LRRC9: variants seen among roughly 807,000 people sequenced by gnomAD.
LRRC9 encodes the protein leucine-rich repeat-containing protein 9.
LRRC9 carries 122 observed loss-of-function variants against 63.2 expected under a neutral mutation model. The observed-to-expected ratio is 1.93, with a 90% CI of 1.67 to 2.24. The LOEUF (loss-of-function observed/expected upper bound fraction) is 2.24. Among genes scored for constraint, LRRC9 ranks in the 30% most tolerant of loss-of-function variants. LRRC9 has a pLI of 0.00. For missense variants in LRRC9, 1,071 were observed against 627.7 expected (o/e 1.71, Z -7.55); for synonymous variants, 366 against 213.1 (o/e 1.72, Z -6.25).
exon 18 of LRRC9, chr14:59,997,784 T>A: frequency 1.4e-6 from 1 of 702,262 alleles, no homozygotes. Flanking sequence ...ATGAAATAAA[T>A]ATGTTATGCA....
chr14:60,037,062 A>C (rs1166296111), intron 29 of LRRC9, among the ~76,000 whole-genome samples: 1 of 152,140 alleles, frequency 6.6e-6, no homozygotes, highest in African/African-American at 2.4e-5. Context: ...GATGGTTTCC[A>C]GCTCCATCCA....
At chr14:60,007,661 A>G (rs1359087374) in intron 22 of LRRC9, among the ~76,000 whole-genome samples, 1 of 152,206 alleles carries the variant, frequency 6.6e-6, no homozygotes, top group East Asian at 1.9e-4. Flanking sequence ...AGCCCTTACC[A>G]TTAATAGATA....
intron 16 of LRRC9, among the ~76,000 whole-genome samples, chr14:59,982,546 T>C (rs1298349557): frequency 1.3e-5 from 2 of 152,284 alleles, no homozygotes; most frequent in South Asian, 2.1e-4. Context: ...CAGAGAGAGC[T>C]GATTTTATAA....
At chr14:60,025,967 T>C (rs1342039523) in intron 27 of LRRC9, among the ~76,000 whole-genome samples, 3 of 152,048 alleles carry the variant, frequency 2.0e-5, no homozygotes, top group Non-Finnish European at 2.9e-5. Flanking sequence ...TATAATTTCA[T>C]TGGGAGATTG....
chr14:60,011,497 A>G (rs1595020481), intron 23 of LRRC9, among the ~76,000 whole-genome samples: 1 of 152,220 alleles, frequency 6.6e-6, no homozygotes, highest in African/African-American at 2.4e-5. Context: ...TTATGATTCA[A>G]TAATATAAAC....
intron 30 of LRRC9, among the ~76,000 whole-genome samples, chr14:60,055,263 T>G (rs1164579882): frequency 2.0e-5 from 3 of 152,206 alleles, no homozygotes; most frequent in African/African-American, 7.2e-5. Context: ...AACTATGGTT[T>G]CCAAAAAGAA....
chr14:59,979,371 C>T (rs1011687603), intron 15 of LRRC9, among the ~76,000 whole-genome samples: 51 of 152,308 alleles, frequency 3.3e-4, no homozygotes, highest in Non-Finnish European at 5.7e-4. Flanking sequence ...GTAATCCCAG[C>T]ACTTTGGGAG....
chr14:59,977,978 A>G (rs1886496371), intron 14 of LRRC9, 39 bp from the exon 15 acceptor site: 1 of 675,478 alleles, frequency 1.5e-6, no homozygotes, highest in Non-Finnish European at 2.7e-6. Context: ...TCAATTTGAG[A>G]AAATGTGTTT....
Position 60,039,615 on chromosome 14 carries a change from T to C in LRRC9, c.3990+7552T>C, listed in dbSNP as rs532026196. On this transcript the variant is annotated intron_variant, in intron 29 of 31. Transcript: ENST00000445360. ...CTGTGGGATCGGTGGTGATATCCTG[T>C]TTATCATTTTTTATTGAGTCTATTT... is the stretch of plus-strand genomic sequence containing the variant. Among the ~76,000 whole-genome samples, 133 of 152,278 alleles carry C rather than the reference T, an allele frequency of 8.7e-4. 1 individual carries two copies. Among genetic ancestry groups the C allele is most frequent in the African/African-American group, 3.1e-3 (130 of 41,534 alleles).
At chr14:60,033,317 G>A (rs1566893749) in intron 29 of LRRC9, among the ~76,000 whole-genome samples, 1 of 151,786 alleles carries the variant, frequency 6.6e-6, no homozygotes, top group Non-Finnish European at 1.5e-5. Flanking sequence ...GCTTCTCTTA[G>A]TGTGCTATCT....
At chr14:59,947,571 A>C (rs1882593508) in intron 8 of LRRC9, among the ~76,000 whole-genome samples, 1 of 132,960 alleles carries the variant, frequency 7.5e-6, no homozygotes. Context: ...TTTGGACATG[A>C]AGTCCTTGCC....
chr14:59,980,212 T>C (rs181292648), intron 15 of LRRC9, among the ~76,000 whole-genome samples: 20 of 152,284 alleles, frequency 1.3e-4, no homozygotes, highest in Admixed American at 1.2e-3. Context: ...AGAAAGGTGG[T>C]CAATTTTTTT....
chr14:59,972,806 G>C (rs546614285), intron 12 of LRRC9, among the ~76,000 whole-genome samples: 2 of 152,184 alleles, frequency 1.3e-5, no homozygotes, highest in South Asian at 4.1e-4. Context: ...TACAGTAGAA[G>C]TACATCCATT....
At chr14:60,040,968 C>A (rs1450321841) in intron 29 of LRRC9, among the ~76,000 whole-genome samples, 37 of 151,958 alleles carry the variant, frequency 2.4e-4, no homozygotes, top group Non-Finnish European at 2.9e-5. Context: ...GTGACAAAAT[C>A]TCTCAGCATT....
intron 16 of LRRC9, 102 bp from the exon 17 acceptor site, chr14:59,985,003 T>C: frequency 2.2e-6 from 1 of 458,944 alleles, no homozygotes. Context: ...TTGTAGTATA[T>C]TGGCTCAAAT....
Position 60,053,064 on chromosome 14 carries a change from G to C in LRRC9, c.3991-1G>C. 1.4e-6 allele frequency: 1 copy of C among 695,900 alleles called. No individual in the cohort carries two copies. Among genetic ancestry groups the C allele is most frequent in the Non-Finnish European group, 2.6e-6 (1 of 381,666 alleles). 43.1% of individuals were successfully genotyped at this position (695,900 alleles called of 1,614,324 possible). On this transcript the variant is annotated splice_acceptor_variant, in intron 29 of 31. Coordinates refer to ENST00000445360, the Ensembl canonical transcript of LRRC9. LOFTEE classifies it high-confidence loss of function. The surrounding 1 kb of genome is among the most constrained non-coding windows in gnomAD (Gnocchi z 4.8). ...AAATTGTTATTTTTAACTTTATTCA[G>C]ATTTGTAGAAAAATGCTACATCGCC... is the stretch of plus-strand genomic sequence containing the variant.
At chr14:59,944,883 C>A (rs1480065583) in intron 8 of LRRC9, 139 bp downstream of exon 8, 6 of 419,004 alleles carry the variant, frequency 1.4e-5, no homozygotes, top group Middle Eastern at 5.4e-4. Context: ...CACACACACA[C>A]ACATATGTAA....
Position 59,932,137 on chromosome 14 carries a change from A to G in LRRC9, c.543+98A>G. 5.0e-6 allele frequency: 3 copies of G among 604,574 alleles called. No homozygotes were observed. The highest frequency in any genetic ancestry group is 2.6e-4 in the Middle Eastern group (1 of 3,878). The allele number at this position is 604,574 out of a possible 1,614,324, so 37.5% of individuals were successfully genotyped here. A position where few individuals can be genotyped will look rare whatever the true frequency, so the allele number is the denominator to read the frequency against. On this transcript the variant is annotated intron_variant, in intron 6 of 31. Transcript: ENST00000445360. This position sits in a 1 kb window ranked among gnomAD's most constrained non-coding sequence, Gnocchi z 4.7. ...CTAAAAAGTCCCCCATTAAGGAATAAGTTCATTATTTTGGGCTGATGCTCC... is the reference window on the plus strand; with the variant it reads ...CTAAAAAGTCCCCCATTAAGGAATAGGTTCATTATTTTGGGCTGATGCTCC...
Position 59,966,700 on chromosome 14 carries a change from T to G in LRRC9, c.1323T>G (p.Ile441Met). 1.4e-6 allele frequency: 1 copy of G among 694,960 alleles called. No homozygotes were observed. Among genetic ancestry groups the G allele is most frequent in the South Asian group, 1.5e-5 (1 of 66,468 alleles). The allele number at this position is 694,960 out of a possible 1,614,324, so 43.0% of individuals were successfully genotyped here. Residue 441 changes from isoleucine (I) to methionine (M), a missense_variant, in exon 11 of 32, where the codon ATT (isoleucine) becomes ATG (methionine). Transcript: ENST00000445360. The surrounding 1 kb of genome is among the most constrained non-coding windows in gnomAD (Gnocchi z 4.0). Reference sequence around the variant, plus strand: ...GCATCATTAAAGTTAACAACCGTATTCTGAGACTAAAATTCGAAGAGAAAT... The same window carrying G: ...GCATCATTAAAGTTAACAACCGTATGCTGAGACTAAAATTCGAAGAGAAAT...
Sources: gnomAD v4.1 joint callset for allele counts (sites outside exome capture counted in the v4.1 genomes callset) on GRCh38, gnomAD v4.1.1 for gene constraint, Gnocchi (gnomAD v3.1) non-coding constraint, MANE v1.5 for transcripts, NCBI Gene and HGNC (gene_info 2026-07-23, HGNC 2026-07-21) for gene names.